Variants in MECOM observed in about 807,000 individuals in gnomAD.
MECOM encodes MDS1 and EVI1 complex locus, also known as histone-lysine N-methyltransferase MECOM.
MECOM carries 13 observed loss-of-function variants against 116.3 expected under a neutral mutation model. The observed-to-expected ratio is 0.11, with a 90% CI of 0.07 to 0.18. The LOEUF is 0.18. MECOM is among the 10% of genes least tolerant of loss of function. MECOM has a pLI of 1.00. For missense variants in MECOM, 1,299 were observed against 1,509.0 expected, an observed-to-expected ratio of 0.86 and a Z score of 2.31; for synonymous variants, 528 against 535.2, an observed-to-expected ratio of 0.99 and a Z score of 0.19.
chr3:169,102,265 T>C, intron 10 of MECOM, 39 bp from the exon 11 acceptor site: 3 of 1,567,754 alleles, frequency 1.9e-6, no homozygotes, highest in Admixed American at 1.8e-5. Context: ...GCGTTTGGCA[T>C]CTTGTCTTCT....
chr3:169,362,781 T>C (rs1398575680), intron 2 of MECOM, among the ~76,000 whole-genome samples: 1 of 151,806 alleles, frequency 6.6e-6, no homozygotes, highest in Non-Finnish European at 1.5e-5. Flanking sequence ...AGAATAACAG[T>C]GAGGAAAAGC....
chr3:169,258,191 G>A (rs1226199323), intron 2 of MECOM, among the ~76,000 whole-genome samples: 1 of 152,078 alleles, frequency 6.6e-6, no homozygotes, highest in African/African-American at 2.4e-5. Flanking sequence ...CTGCTCTCCA[G>A]CCTGGGTGAC....
At chr3:169,254,116 A>C (rs934934213) in intron 2 of MECOM, among the ~76,000 whole-genome samples, 7 of 152,082 alleles carry the variant, frequency 4.6e-5, no homozygotes, top group African/African-American at 1.7e-4. Context: ...ATTCTGTTAT[A>C]AGACTTAGCA....
chr3:169,134,019 T>C, intron 3 of MECOM: 1 of 1,160,662 alleles, frequency 8.6e-7, no homozygotes, highest in Non-Finnish European at 1.1e-6. Context: ...TTCTCGGAAA[T>C]AGTGAGGTTA....
At chr3:169,193,621 T>C (rs979022209) in intron 2 of MECOM, among the ~76,000 whole-genome samples, 38 of 152,064 alleles carry the variant, frequency 2.5e-4, no homozygotes, top group African/African-American at 8.9e-4. Flanking sequence ...ATAAGGCCTT[T>C]CAATATTTTC....
At chr3:169,586,260 A>C (rs1278092381) in intron 1 of MECOM, among the ~76,000 whole-genome samples, 18 of 152,204 alleles carry the variant, frequency 1.2e-4, no homozygotes, top group Non-Finnish European at 1.8e-4. Context: ...TTTAGTTTAA[A>C]TTTTTTTACA....
rs573560455 is a variant in MECOM, at chr3:169,390,551, G to A, written c.38-9027C>T. Among the ~76,000 whole-genome samples the A allele has an allele frequency of 3.9e-5, 6 of 152,278 alleles. 1 individual carries two copies. The South Asian group carries it at 1.2e-3, about 32-fold the overall frequency. ...GCTGCACCCCTTCACATGCTAAAGA[G>A]TGACCGGATTTACTTCCTTTAAAAA... On this transcript the variant is annotated intron_variant, in intron 1 of 16. Coordinates refer to ENST00000651503, the MANE Select transcript of MECOM (RefSeq NM_004991.4).
intron 2 of MECOM, among the ~76,000 whole-genome samples, chr3:169,367,003 T>C (rs1195948304): frequency 6.6e-6 from 1 of 152,132 alleles, no homozygotes. Context: ...CATTATCTGC[T>C]GCGCACTGTG....
At chr3:169,444,374 G>C (rs529684627) in intron 1 of MECOM, among the ~76,000 whole-genome samples, 1 of 152,262 alleles carries the variant, frequency 6.6e-6, no homozygotes, top group African/African-American at 2.4e-5. Context: ...CGCATTGTCC[G>C]AGAAACCCAT....
intron 2 of MECOM, chr3:169,146,643 C>G: frequency 3.7e-6 from 5 of 1,363,158 alleles, no homozygotes; most frequent in Non-Finnish European, 2.9e-6. Flanking sequence ...GAAACGGTGC[C>G]CCGGCAGGAA....
chr3:169,176,452 A>G (rs1745182394), intron 2 of MECOM, among the ~76,000 whole-genome samples: 1 of 152,204 alleles, frequency 6.6e-6, no homozygotes, highest in Non-Finnish European at 1.5e-5. Flanking sequence ...CTTACACCTT[A>G]TACAAAAATT....
At chr3:169,510,906 C>A (rs1755888988) in intron 1 of MECOM, among the ~76,000 whole-genome samples, 1 of 152,144 alleles carries the variant, frequency 6.6e-6, no homozygotes, top group Non-Finnish European at 1.5e-5. Context: ...GTAAAAACCT[C>A]TTTCAATAGG....
intron 2 of MECOM, among the ~76,000 whole-genome samples, chr3:169,323,748 TG>T (rs1721317704): frequency 6.6e-6 from 1 of 152,138 alleles, no homozygotes; most frequent in Non-Finnish European, 1.5e-5. Flanking sequence ...AAATGGAGAT[TG>T]TTTTTATACT....
At chr3:169,412,539 T>C (rs1475485827) in intron 1 of MECOM, among the ~76,000 whole-genome samples, 2 of 152,028 alleles carry the variant, frequency 1.3e-5, no homozygotes, top group African/African-American at 4.8e-5. Flanking sequence ...CTATTGATTT[T>C]CATAGAAGGA....
chr3:169,196,460 T>G (rs1748422029), intron 2 of MECOM, among the ~76,000 whole-genome samples: 1 of 152,076 alleles, frequency 6.6e-6, no homozygotes, highest in African/African-American at 2.4e-5. Context: ...CATAAAGCTT[T>G]AACATGAGGC....
intron 2 of MECOM, among the ~76,000 whole-genome samples, chr3:169,328,501 C>T (rs1722221218): frequency 1.3e-5 from 2 of 152,098 alleles, no homozygotes; most frequent in African/African-American, 4.8e-5. Flanking sequence ...TATTCTGCAC[C>T]ATGTGAGTGT....
chr3:169,505,163 A>G (rs1238899393), intron 1 of MECOM, among the ~76,000 whole-genome samples: 1 of 152,174 alleles, frequency 6.6e-6, no homozygotes. Flanking sequence ...AGATCTGGTA[A>G]TAAGTGCAAG....
At chr3:169,407,652 C>G (rs983387097) in intron 1 of MECOM, among the ~76,000 whole-genome samples, 1 of 152,194 alleles carries the variant, frequency 6.6e-6, no homozygotes, top group Non-Finnish European at 1.5e-5. Context: ...CTTCCTCACA[C>G]ATAATCCAAA....
chr3:169,582,480 T>A (rs910548945), intron 1 of MECOM, among the ~76,000 whole-genome samples: 3 of 151,782 alleles, frequency 2.0e-5, no homozygotes, highest in African/African-American at 4.8e-5. Context: ...TAGAAGAAAA[T>A]TTTTAAAGGG....
Sources: gnomAD v4.1 joint callset for allele counts (sites outside exome capture counted in the v4.1 genomes callset) on GRCh38, gnomAD v4.1.1 for gene constraint, MANE v1.5 for transcripts, NCBI Gene and HGNC (gene_info 2026-07-23, HGNC 2026-07-21) for gene names.